TAFA1: variants seen among roughly 807,000 people sequenced by gnomAD.
TAFA1 encodes the protein TAFA chemokine like family member 1, also known as chemokine-like protein TAFA-1.
TAFA1 carries 4 observed loss-of-function variants against 18.5 expected under a neutral mutation model. The observed-to-expected ratio is 0.22, with a 90% confidence interval of 0.11 to 0.49. The LOEUF is 0.49. Among genes scored for constraint, TAFA1 ranks in the 20% least tolerant of loss-of-function variants. TAFA1 has a pLI of 0.98. For synonymous variants in TAFA1, 56 were observed against 55.2 expected (o/e 1.01, Z -0.06); for missense variants, 147 against 169.0 (o/e 0.87, Z 0.72).
intron 3 of TAFA1, among the ~76,000 whole-genome samples, chr3:68,451,317 G>A (rs1483856970): frequency 1.1e-4 from 17 of 152,158 alleles, no homozygotes; most frequent in Non-Finnish European, 2.2e-4. Flanking sequence ...TTAAATGAAT[G>A]CATCAGAAAT....
intron 3 of TAFA1, among the ~76,000 whole-genome samples, chr3:68,514,959 T>C (rs1393106283): frequency 6.6e-6 from 1 of 151,638 alleles, no homozygotes; most frequent in East Asian, 2.0e-4. Context: ...TTCTTCAGAA[T>C]AAACAAGAGA....
At chr3:68,443,035 C>T (rs2071412433) in intron 3 of TAFA1, among the ~76,000 whole-genome samples, 1 of 152,104 alleles carries the variant, frequency 6.6e-6, no homozygotes, top group Non-Finnish European at 1.5e-5. Flanking sequence ...TATCGTGGCT[C>T]TGTTATATAT....
At chr3:68,261,336 C>A (rs924948839) in intron 2 of TAFA1, among the ~76,000 whole-genome samples, 3 of 152,174 alleles carry the variant, frequency 2.0e-5, no homozygotes, top group Admixed American at 2.0e-4. Flanking sequence ...ACTAGTTCAA[C>A]CCTTGTGGAA....
chr3:68,481,315 A>G (rs976946409), intron 3 of TAFA1, among the ~76,000 whole-genome samples: 3 of 152,170 alleles, frequency 2.0e-5, no homozygotes, highest in South Asian at 2.1e-4. Context: ...TACTATGACA[A>G]TGGATTGGGG....
chr3:68,216,346 G>C (rs536202714), intron 2 of TAFA1, among the ~76,000 whole-genome samples: 37 of 152,164 alleles, frequency 2.4e-4, no homozygotes, highest in African/African-American at 8.4e-4. Flanking sequence ...GGGAATCCCA[G>C]ATGAATGCAG....
chr3:68,224,390 A>T (rs544897318), intron 2 of TAFA1, among the ~76,000 whole-genome samples: 14 of 152,240 alleles, frequency 9.2e-5, no homozygotes, highest in African/African-American at 3.1e-4. Context: ...GACAGAGGAA[A>T]ACATAGTCAA....
At chr3:68,503,877 T>C (rs914620079) in intron 3 of TAFA1, among the ~76,000 whole-genome samples, 2 of 152,096 alleles carry the variant, frequency 1.3e-5, no homozygotes, top group African/African-American at 4.8e-5. Flanking sequence ...AAGAGAATGA[T>C]TAAGTAAAAA....
At chr3:68,373,844 C>T (rs2069759547) in intron 2 of TAFA1, among the ~76,000 whole-genome samples, 1 of 152,134 alleles carries the variant, frequency 6.6e-6, no homozygotes, top group African/African-American at 2.4e-5. Context: ...GGTCACTCTG[C>T]CTAGCAAACA....
At chr3:68,256,995 T>G (rs149971437) in intron 2 of TAFA1, among the ~76,000 whole-genome samples, 1 of 152,254 alleles carries the variant, frequency 6.6e-6, no homozygotes, top group South Asian at 2.1e-4. Flanking sequence ...AGTTGGACTT[T>G]GGATAAACAG....
At chr3:68,233,744 G>A (rs938803813) in intron 2 of TAFA1, among the ~76,000 whole-genome samples, 1 of 152,086 alleles carries the variant, frequency 6.6e-6, no homozygotes, top group Admixed American at 6.5e-5. Flanking sequence ...TAATTCATGA[G>A]TGCTTTTATA....
chr3:68,393,134 A>G (rs2070297192), intron 2 of TAFA1, among the ~76,000 whole-genome samples: 2 of 152,148 alleles, frequency 1.3e-5, no homozygotes, highest in African/African-American at 4.8e-5. Context: ...GAGAAGAATC[A>G]AGTAGACACA....
intron 2 of TAFA1, among the ~76,000 whole-genome samples, chr3:68,298,001 A>G (rs1236071295): frequency 6.6e-6 from 1 of 152,186 alleles, no homozygotes; most frequent in Non-Finnish European, 1.5e-5. Context: ...CTTTCTGAAC[A>G]CTTCAGAAGT....
intron 3 of TAFA1, among the ~76,000 whole-genome samples, chr3:68,492,469 T>C (rs1436918007): frequency 6.6e-6 from 1 of 152,196 alleles, no homozygotes; most frequent in Non-Finnish European, 1.5e-5. Flanking sequence ...ATATTCTCCA[T>C]TCCCTCATTT....
At chr3:68,082,542 C>T (rs577881408) in intron 2 of TAFA1, among the ~76,000 whole-genome samples, 6 of 152,186 alleles carry the variant, frequency 3.9e-5, no homozygotes, top group Non-Finnish European at 7.3e-5. Context: ...CTTGTTTCCA[C>T]AACTGTAAAA....
At chr3:68,136,558 G>A (rs1222621385) in intron 2 of TAFA1, among the ~76,000 whole-genome samples, 1 of 152,248 alleles carries the variant, frequency 6.6e-6, no homozygotes, top group African/African-American at 2.4e-5. Context: ...ACCTGGAACG[G>A]CTTCTCCATG....
chr3:68,392,925 C>T (rs139568457), intron 2 of TAFA1, among the ~76,000 whole-genome samples: 1 of 151,978 alleles, frequency 6.6e-6, no homozygotes, highest in Non-Finnish European at 1.5e-5. Flanking sequence ...AAATCAACAC[C>T]CTAACGTCAC....
intron 3 of TAFA1, among the ~76,000 whole-genome samples, chr3:68,470,498 T>C (rs1228122824): frequency 6.6e-6 from 1 of 152,194 alleles, no homozygotes; most frequent in Admixed American, 6.5e-5. Flanking sequence ...TGAATGTCTT[T>C]GCATAAAATG....
At chr3:68,033,399 G>A (rs1704978120) in intron 2 of TAFA1, among the ~76,000 whole-genome samples, 1 of 152,082 alleles carries the variant, frequency 6.6e-6, no homozygotes, top group Admixed American at 6.6e-5. Flanking sequence ...TAGGAGCATT[G>A]GATTATAAAG....
chr3:68,080,573 A>C (rs947248307), intron 2 of TAFA1, among the ~76,000 whole-genome samples: 1 of 151,942 alleles, frequency 6.6e-6, no homozygotes, highest in African/African-American at 2.4e-5. Context: ...TTGCTTATGA[A>C]GCATAGTTTG....
Sources: gnomAD v4.1 joint callset for allele counts (sites outside exome capture counted in the v4.1 genomes callset) on GRCh38, gnomAD v4.1.1 for gene constraint, MANE v1.5 for transcripts, NCBI Gene and HGNC (gene_info 2026-07-23, HGNC 2026-07-21) for gene names.